RANBP2: variants seen among roughly 807,000 people sequenced by gnomAD.
RANBP2 encodes RAN binding protein 2, also known as E3 SUMO-protein ligase RanBP2.
RANBP2 carries 57 observed loss-of-function variants against 303.6 expected under a neutral mutation model. The ratio of observed to expected loss-of-function variants is 0.19; its 90% CI spans 0.15 to 0.23. The LOEUF (loss-of-function observed/expected upper bound fraction) is 0.23. Among genes scored for constraint, RANBP2 ranks in the 10% least tolerant of loss-of-function variants. The probability of loss-of-function intolerance (pLI) is 1.00; values close to 1 mark genes in which losing one functional copy is unlikely to be tolerated. For missense variants in RANBP2, 3,138 were observed against 3,780.8 expected (o/e 0.83, Z 4.46); for synonymous variants, 1,167 against 1,301.5 (o/e 0.90, Z 2.23).
chr2:108,782,485 T>C (rs774442026), intron 27 of RANBP2, 43 bp from the exon 28 acceptor site: 27 of 1,613,316 alleles, frequency 1.7e-5, no homozygotes, highest in East Asian at 8.9e-5. Flanking sequence ...ATAACAGTTA[T>C]TTTAATACTA....
At chr2:109,016,220 T>C in the RANBP2 span, among the ~76,000 whole-genome samples, 2 of 152,010 alleles carry the variant, frequency 1.3e-5, no homozygotes, top group East Asian at 3.9e-4. Flanking sequence ...TAACTGGGAC[T>C]ACAGGCGCCG....
the RANBP2 span, among the ~76,000 whole-genome samples, chr2:109,143,712 C>G: frequency 1.3e-5 from 2 of 151,992 alleles, no homozygotes; most frequent in African/African-American, 4.8e-5. Flanking sequence ...CGTGATCGCA[C>G]CACTGCACTC....
At chr2:109,602,822 C>A in the RANBP2 span, among the ~76,000 whole-genome samples, 2 of 148,080 alleles carry the variant, frequency 1.4e-5, no homozygotes, top group African/African-American at 2.5e-5. Flanking sequence ...GAGAGAGGAG[C>A]TGAAGAAAAG....
chr2:109,629,261 C>T, the RANBP2 span, among the ~76,000 whole-genome samples: 1 of 126,978 alleles, frequency 7.9e-6, no homozygotes, highest in South Asian at 2.4e-4. Context: ...CATTTAAATA[C>T]TGAAGAGCTG....
the RANBP2 span, among the ~76,000 whole-genome samples, chr2:109,766,275 A>C: frequency 6.6e-6 from 1 of 151,136 alleles, no homozygotes; most frequent in East Asian, 2.0e-4. Flanking sequence ...ATCAGCCTGG[A>C]GGAGGCAGGG....
the RANBP2 span, among the ~76,000 whole-genome samples, chr2:109,297,982 A>G: frequency 6.6e-6 from 1 of 152,168 alleles, no homozygotes; most frequent in Non-Finnish European, 1.5e-5. Context: ...TGCCCCAGGC[A>G]GCCTTGGGTT....
chr2:108,724,762 T>G (rs1694555542), intron 1 of RANBP2, among the ~76,000 whole-genome samples: 1 of 151,956 alleles, frequency 6.6e-6, no homozygotes, highest in Non-Finnish European at 1.5e-5. Context: ...GGAAGAAGAT[T>G]GGGGAACTCA....
chr2:109,239,005 G>A, the RANBP2 span, among the ~76,000 whole-genome samples: 1 of 152,194 alleles, frequency 6.6e-6, no homozygotes, highest in Admixed American at 6.5e-5. Context: ...AAAAGCTACT[G>A]GTAGACAGAA....
the RANBP2 span, among the ~76,000 whole-genome samples, chr2:109,534,756 T>A: frequency 1.1e-4 from 16 of 149,380 alleles, 1 homozygote; most frequent in East Asian, 1.6e-3. Context: ...CTCCACAGAG[T>A]GAAACTCAGT....
At chr2:109,391,975 G>C in the RANBP2 span, among the ~76,000 whole-genome samples, 3 of 151,980 alleles carry the variant, frequency 2.0e-5, no homozygotes, top group Non-Finnish European at 4.4e-5. Context: ...ATGCCACCAC[G>C]CCCAGCTAAT....
chr2:109,176,630 A>G, the RANBP2 span, among the ~76,000 whole-genome samples: 39 of 152,332 alleles, frequency 2.6e-4, no homozygotes, highest in Admixed American at 8.5e-4. Flanking sequence ...CCAGCAACCC[A>G]GAAGGCTGAG....
chr2:109,095,777 T>C, the RANBP2 span, among the ~76,000 whole-genome samples: 1 of 152,202 alleles, frequency 6.6e-6, no homozygotes, highest in Non-Finnish European at 1.5e-5. Context: ...TGAAACTGTA[T>C]AGATTTATAA....
chr2:108,794,092 C>A, the RANBP2 span, among the ~76,000 whole-genome samples: 45 of 151,960 alleles, frequency 3.0e-4, no homozygotes, highest in Admixed American at 2.8e-3. Flanking sequence ...AATATAATTA[C>A]ATATAAAATA....
At chr2:108,912,477 C>A in the RANBP2 span, among the ~76,000 whole-genome samples, 1 of 152,196 alleles carries the variant, frequency 6.6e-6, no homozygotes, top group Non-Finnish European at 1.5e-5. Flanking sequence ...TCCCAGGACA[C>A]CCATAGAGGG....
At chr2:109,363,261 G>T in the RANBP2 span, among the ~76,000 whole-genome samples, 77 of 151,670 alleles carry the variant, frequency 5.1e-4, 1 homozygote, top group African/African-American at 1.8e-3. Flanking sequence ...GGTTGCATTG[G>T]AGTCTGCAAT....
chr2:109,305,758 G>A, the RANBP2 span, among the ~76,000 whole-genome samples: 1 of 152,202 alleles, frequency 6.6e-6, no homozygotes, highest in Non-Finnish European at 1.5e-5. Flanking sequence ...TGTTCTCTGC[G>A]GTTCCCTGAG....
the RANBP2 span, among the ~76,000 whole-genome samples, chr2:109,177,322 T>C: frequency 9.2e-5 from 14 of 152,256 alleles, no homozygotes; most frequent in African/African-American, 3.4e-4. Context: ...CTTTTATATC[T>C]ACTAAGAAAG....
chr2:109,203,120 C>T, the RANBP2 span, among the ~76,000 whole-genome samples: 684 of 152,238 alleles, frequency 4.5e-3, 5 homozygotes, highest in Non-Finnish European at 6.0e-3. Flanking sequence ...GTGCCCTGGG[C>T]CTGTCCGTGT....
At chr2:109,319,066 C>G in the RANBP2 span, among the ~76,000 whole-genome samples, 1 of 152,174 alleles carries the variant, frequency 6.6e-6, no homozygotes, top group African/African-American at 2.4e-5. Flanking sequence ...TGTATCCTGC[C>G]TGGAACAGCT....
Sources: gnomAD v4.1 joint callset for allele counts (sites outside exome capture counted in the v4.1 genomes callset) on GRCh38, gnomAD v4.1.1 for gene constraint, MANE v1.5 for transcripts, NCBI Gene and HGNC (gene_info 2026-07-23, HGNC 2026-07-21) for gene names.